The following SUMF1 variants were observed in gnomAD, a reference collection of about 807,000 sequenced individuals.
SUMF1 encodes formylglycine-generating enzyme.
In SUMF1, 48 loss-of-function variants were observed where a neutral mutation model predicts 47.6. The ratio of observed to expected loss-of-function variants is 1.01; its 90% confidence interval spans 0.80 to 1.28. The LOEUF (loss-of-function observed/expected upper bound fraction) is 1.28. Ranked by LOEUF, SUMF1 falls within the 50% of genes most tolerant of loss-of-function variation. The pLI is 0.00. For synonymous variants in SUMF1, 230 were observed against 192.1 expected (o/e 1.20, Z -1.63); for missense variants, 571 against 485.4 (o/e 1.18, Z -1.66).
At chr3:4,360,446 G>T (rs1291466675), downstream of SUMF1, among the ~76,000 whole-genome samples, 3 of 151,786 alleles carry the variant, frequency 2.0e-5, no homozygotes, top group African/African-American at 7.3e-5. Flanking sequence ...TCCTGGCTCA[G>T]TCCTGAGTAG....
At chr3:4,233,035 A>G (rs1272793544) in intron 8 of SUMF1, among the ~76,000 whole-genome samples, 1 of 152,144 alleles carries the variant, frequency 6.6e-6, no homozygotes, top group Non-Finnish European at 1.5e-5. Context: ...CTCTGGTGTT[A>G]AGTAAAGCAA....
rs1291580640 is a variant in SUMF1 at position 4,317,073 on chromosome 3, A to G, written c.1014+59257T>C. On this transcript the variant is annotated intron_variant and NMD_transcript_variant, in intron 8 of 12. Transcript: ENST00000448413. Reference sequence around the variant, plus strand: ...CTTGCCAACCAACTACCACGTCTTTAAGCATCTCAACAACTTTTTGCAGGG... The same window carrying G: ...CTTGCCAACCAACTACCACGTCTTTGAGCATCTCAACAACTTTTTGCAGGG... 4 of 1,549,260 alleles carry G rather than the reference A, an allele frequency of 2.6e-6. No homozygotes were observed. The Admixed American group carries it at 7.8e-5, about 30-fold the overall frequency.
chr3:4,216,960 C>T (rs866992432), intron 8 of SUMF1, among the ~76,000 whole-genome samples: 11 of 152,034 alleles, frequency 7.2e-5, no homozygotes, highest in Admixed American at 3.3e-4. Flanking sequence ...GTGTGGCAAT[C>T]CCTCAAGGAT....
At chr3:4,448,843 C>T (rs772222754) in intron 3 of SUMF1, among the ~76,000 whole-genome samples, 4 of 152,170 alleles carry the variant, frequency 2.6e-5, no homozygotes, top group Admixed American at 6.5e-5. Flanking sequence ...TACTCTGATC[C>T]CATGAATTCA....
chr3:4,104,316 C>T (rs577590715), intron 8 of SUMF1, among the ~76,000 whole-genome samples: 1 of 152,032 alleles, frequency 6.6e-6, no homozygotes, highest in African/African-American at 2.4e-5. Context: ...GTGAGGCCTC[C>T]CCAGTCATGT....
chr3:4,404,466 C>T (rs1234397734), intron 7 of SUMF1, among the ~76,000 whole-genome samples: 2 of 152,164 alleles, frequency 1.3e-5, no homozygotes, highest in Non-Finnish European at 2.9e-5. Flanking sequence ...TGATTAAAAA[C>T]ATGTGAGTGG....
intron 8 of SUMF1, among the ~76,000 whole-genome samples, chr3:4,305,704 G>C (rs1270703804): frequency 6.6e-6 from 1 of 152,106 alleles, no homozygotes; most frequent in Non-Finnish European, 1.5e-5. Context: ...ATGCTATATA[G>C]GGTTAAAATT....
intron 9 of SUMF1, among the ~76,000 whole-genome samples, chr3:4,060,802 G>T (rs1695264956): frequency 6.6e-6 from 1 of 152,156 alleles, no homozygotes; most frequent in Non-Finnish European, 1.5e-5. Context: ...AGGAATAAAT[G>T]AATCATTGTA....
At chr3:4,364,876 C>T (rs1245271475) in intron 8 of SUMF1, among the ~76,000 whole-genome samples, 2 of 150,534 alleles carry the variant, frequency 1.3e-5, no homozygotes, top group Non-Finnish European at 3.0e-5. Context: ...CTATAAATTT[C>T]CCTCTACACA....
intron 8 of SUMF1, among the ~76,000 whole-genome samples, chr3:4,087,422 T>A (rs1479448336): frequency 6.6e-6 from 1 of 152,170 alleles, no homozygotes; most frequent in African/African-American, 2.4e-5. Flanking sequence ...CACAGGTATG[T>A]AACTTGCTGA....
At chr3:4,442,257 C>T (rs6805134) in intron 3 of SUMF1, among the ~76,000 whole-genome samples, 17 of 140,600 alleles carry the variant, frequency 1.2e-4, no homozygotes, top group African/African-American at 4.4e-4. Context: ...ACCATGAACT[C>T]TTTTTTTTTT....
intron 8 of SUMF1, among the ~76,000 whole-genome samples, chr3:4,108,571 G>A (rs939973127): frequency 6.6e-6 from 1 of 151,994 alleles, no homozygotes; most frequent in African/African-American, 2.4e-5. Flanking sequence ...TCTCTTTCTA[G>A]GTCTCTAAGG....
At chr3:4,082,285 C>T (rs1405244775) in intron 8 of SUMF1, among the ~76,000 whole-genome samples, 4 of 151,838 alleles carry the variant, frequency 2.6e-5, no homozygotes, top group Admixed American at 2.0e-4. Context: ...CTAGGCCACA[C>T]AGTAAAACCC....
chr3:4,104,578 T>C lies in SUMF1; in HGVS notation c.1015-35833A>G, dbSNP rs368012721. Among the ~76,000 whole-genome samples the C allele has an allele frequency of 8.6e-5, 13 of 152,018 alleles. 2 individuals are homozygous for C. Among genetic ancestry groups the C allele is most frequent in the Admixed American group, 6.5e-5 (1 of 15,270 alleles). On this transcript the variant is annotated intron_variant and NMD_transcript_variant, in intron 8 of 12. Coordinates refer to the SUMF1 transcript ENST00000448413. Reference sequence around the variant, plus strand: ...GGAGAGAGAGAGGTCAGGGTCCGTATTCTCCGGATACCCACCCTGCTGGGC... The same window carrying C: ...GGAGAGAGAGAGGTCAGGGTCCGTACTCTCCGGATACCCACCCTGCTGGGC...
At chr3:4,250,996 C>A (rs1575019741) in intron 8 of SUMF1, among the ~76,000 whole-genome samples, 1 of 152,086 alleles carries the variant, frequency 6.6e-6, no homozygotes, top group Non-Finnish European at 1.5e-5. Flanking sequence ...CTTTCAAGTC[C>A]TTTTATTTAA....
intron 8 of SUMF1, among the ~76,000 whole-genome samples, chr3:4,324,854 C>A (rs1698909582): frequency 6.6e-6 from 1 of 152,002 alleles, no homozygotes; most frequent in Non-Finnish European, 1.5e-5. Flanking sequence ...ACATTTCCCC[C>A]CTGTATTATC....
Position 4,384,660 on chromosome 3 carries a change from C to G in SUMF1, c.955-8271G>C, listed in dbSNP as rs371653719. 1.2e-4 allele frequency among the ~76,000 whole-genome samples: 18 copies of G among 152,316 alleles called. 1 individual carries two copies. In the South Asian group the frequency reaches 3.7e-3, roughly 32 times the overall value. On this transcript the variant is annotated intron_variant, in intron 7 of 8. Coordinates refer to ENST00000272902, the MANE Select transcript of SUMF1 (RefSeq NM_182760.4). The stretch of plus-strand genomic sequence containing the variant: ...TCATCCAGGTTGCTCTGCATACCAA[C>G]AATCTATCCCTTATTACTATTGAGT...
chr3:4,221,338 A>T (rs550391859), intron 8 of SUMF1, among the ~76,000 whole-genome samples: 5 of 152,214 alleles, frequency 3.3e-5, no homozygotes, highest in African/African-American at 1.2e-4. Context: ...CATGAATCTT[A>T]ACAGTCATAA....
At chr3:4,132,985 G>A (rs1693827574) in intron 8 of SUMF1, among the ~76,000 whole-genome samples, 2 of 152,000 alleles carry the variant, frequency 1.3e-5, no homozygotes, top group Admixed American at 1.3e-4. Context: ...ACTCCACCAG[G>A]AAAAAAACCA....
Sources: allele counts gnomAD v4.1 joint callset (sites outside exome capture counted in the v4.1 genomes callset), GRCh38; gene constraint gnomAD v4.1.1; transcripts MANE v1.5; gene names NCBI Gene and HGNC (gene_info 2026-07-23, HGNC 2026-07-21).